The following RNF115 variants were observed in gnomAD, a reference collection of about 807,000 sequenced individuals.
RNF115 encodes E3 ubiquitin-protein ligase RNF115.
A neutral mutation model predicts 39.2 loss-of-function variants in RNF115; 31 were observed. That is an observed-to-expected ratio of 0.79 (90% CI 0.59 to 1.07). RNF115 has a LOEUF of 1.07. Among genes scored for constraint, RNF115 ranks in the 50% least tolerant of loss-of-function variants. The pLI, the probability that RNF115 is intolerant of heterozygous loss-of-function variation, is 0.00. For missense variants in RNF115, 384 were observed against 381.7 expected (o/e 1.01, Z -0.05); for synonymous variants, 124 against 131.0 (o/e 0.95, Z 0.37).
At chr1:145,795,785 A>G (rs904941038) in intron 1 of RNF115, among the ~76,000 whole-genome samples, 3 of 152,172 alleles carry the variant, frequency 2.0e-5, no homozygotes, top group Non-Finnish European at 4.4e-5. Flanking sequence ...AAAGCTTTCT[A>G]AATAGTTATA....
chr1:145,779,733 G>A (rs1648038332), intron 3 of RNF115, among the ~76,000 whole-genome samples: 1 of 151,960 alleles, frequency 6.6e-6, no homozygotes, highest in African/African-American at 2.4e-5. Flanking sequence ...CACAATCTCA[G>A]CCCACTGCAA....
chr1:145,820,041 A>C (rs1387061989), intron 1 of RNF115, among the ~76,000 whole-genome samples: 2 of 142,616 alleles, frequency 1.4e-5, no homozygotes, highest in Admixed American at 7.2e-5. Flanking sequence ...CCATCTCAAA[A>C]AAATAAATAA....
intron 1 of RNF115, among the ~76,000 whole-genome samples, chr1:145,816,821 T>TA (rs1237830484): frequency 3.0e-5 from 4 of 133,406 alleles, no homozygotes; most frequent in African/African-American, 7.6e-5. Flanking sequence ...CAGGCTGGAG[T>TA]ACAGTGGCAC....
chr1:145,748,217 G>A, intron 7 of RNF115, 107 bp from the exon 8 acceptor site: 2 of 736,936 alleles, frequency 2.7e-6, no homozygotes, highest in South Asian at 3.2e-5. Flanking sequence ...AAAGACACAA[G>A]AGACAAAAGA....
intron 1 of RNF115, among the ~76,000 whole-genome samples, chr1:145,819,428 G>A (rs1431329766): frequency 1.3e-5 from 2 of 152,100 alleles, no homozygotes; most frequent in African/African-American, 2.4e-5. Context: ...CTCCAGTATG[G>A]GCGACACAGT....
At chr1:145,778,464 G>A (rs1647977448) in intron 3 of RNF115, among the ~76,000 whole-genome samples, 1 of 151,886 alleles carries the variant, frequency 6.6e-6, no homozygotes, top group Non-Finnish European at 1.5e-5. Flanking sequence ...ACTTTAACAG[G>A]GTGAATTACG....
chr1:145,796,661 A>T (rs1424491203), intron 1 of RNF115, among the ~76,000 whole-genome samples: 1 of 152,178 alleles, frequency 6.6e-6, no homozygotes, highest in Non-Finnish European at 1.5e-5. Context: ...TACTAGGATT[A>T]CAGGCATGAG....
At chr1:145,767,341 C>G (rs587630259) in intron 4 of RNF115, among the ~76,000 whole-genome samples, 4 of 150,316 alleles carry the variant, frequency 2.7e-5, no homozygotes, top group African/African-American at 9.8e-5. Flanking sequence ...TCAGACGGGG[C>G]GGCCGGGCAG....
intron 1 of RNF115, among the ~76,000 whole-genome samples, chr1:145,815,226 T>C (rs1292262867): frequency 6.6e-6 from 1 of 152,306 alleles, no homozygotes; most frequent in Non-Finnish European, 1.5e-5. Flanking sequence ...ACATTACTTA[T>C]TGATAAGGAA....
At position 145,823,942 on chromosome 1, in the gene RNF115, G is replaced by C; in HGVS notation, c.-69C>G. On this transcript the variant is annotated 5_prime_UTR_variant, in exon 1 of 9. Transcript: ENST00000582693. ...CCCTCGCCAGGCCGCTACCTCCCGA[G>C]CTGCAGTCGTCGCCGCCGCCGCCGC... is the stretch of plus-strand genomic sequence containing the variant. 1.7e-6 allele frequency: 2 copies of C among 1,165,162 alleles called. No homozygotes were observed. Among genetic ancestry groups the C allele is most frequent in the Non-Finnish European group, 2.3e-6 (2 of 879,612 alleles). 72.2% of individuals were successfully genotyped at this position (1,165,162 alleles called of 1,614,324 possible). A position where few individuals can be genotyped will look rare whatever the true frequency, so the allele number is the denominator to read the frequency against.
In RNF115 at chr1:145,743,801, AAT is replaced by A. The variant is rs1657767976; in HGVS notation, c.*3063_*3064del. 1 of 35,276 alleles carries A rather than the reference AAT, an allele frequency of 2.8e-5. No individual in the cohort carries two copies. The highest frequency in any genetic ancestry group is 6.2e-5 in the Non-Finnish European group (1 of 16,124). The allele number at this position is 35,276 out of a possible 1,614,324, so 2.2% of individuals were successfully genotyped here. A position where few individuals can be genotyped will look rare whatever the true frequency, so the allele number is the denominator to read the frequency against. ...ATCTCAAAAAATAAATAAATAAATA[AAT>A]AAATAAATAAATAATAATAATAATA... On this transcript the variant is annotated 3_prime_UTR_variant, in exon 9 of 9. Transcript: ENST00000582693.
intron 1 of RNF115, among the ~76,000 whole-genome samples, chr1:145,805,642 G>A (rs897491580): frequency 1.3e-5 from 2 of 152,000 alleles, no homozygotes; most frequent in African/African-American, 2.4e-5. Flanking sequence ...ATTATTTCAG[G>A]GGTAAAATTT....
At chr1:145,762,102 T>A (rs781871240) in intron 4 of RNF115, among the ~76,000 whole-genome samples, 1 of 152,252 alleles carries the variant, frequency 6.6e-6, no homozygotes, top group African/African-American at 2.4e-5. Context: ...TGTACCTCCA[T>A]TGTATCTAGG....
At chr1:145,777,689 CTATCAT>C (rs1392823212) in intron 3 of RNF115, among the ~76,000 whole-genome samples, 2 of 152,112 alleles carry the variant, frequency 1.3e-5, no homozygotes, top group Non-Finnish European at 2.9e-5. Context: ...ATAGGGAACA[CTATCAT>C]AGAGTTTTGC....
intron 4 of RNF115, among the ~76,000 whole-genome samples, chr1:145,768,730 C>T (rs1249957507): frequency 6.6e-6 from 1 of 152,102 alleles, no homozygotes; most frequent in African/African-American, 2.4e-5. Context: ...AGCAAGAGGA[C>T]AAAACTGTTA....
intron 3 of RNF115, among the ~76,000 whole-genome samples, chr1:145,776,318 C>T (rs1407995640): frequency 6.6e-6 from 1 of 151,638 alleles, no homozygotes; most frequent in Non-Finnish European, 1.5e-5. Flanking sequence ...GTGTCTGCCA[C>T]CATGCCCGAC....
rs924821457 is a variant in RNF115, at chr1:145,742,352, C to T, written c.*4514G>A. On this transcript the variant is annotated 3_prime_UTR_variant, in exon 9 of 9. Transcript: ENST00000582693. ...AAATTAAAAAAAATCAATAGATAAC[C>T]GTATTGTAGTTCAACTGATTATAAT... 2 of 152,070 alleles carry T rather than the reference C, an allele frequency of 1.3e-5. No individual in the cohort carries two copies. Among genetic ancestry groups the T allele is most frequent in the African/African-American group, 4.8e-5 (2 of 41,382 alleles). The allele number at this position is 152,070 out of a possible 1,614,324, so 9.4% of individuals were successfully genotyped here. A position where few individuals can be genotyped will look rare whatever the true frequency, so the allele number is the denominator to read the frequency against.
At chr1:145,796,789 T>C (rs180799253) in intron 1 of RNF115, among the ~76,000 whole-genome samples, 2 of 152,336 alleles carry the variant, frequency 1.3e-5, no homozygotes, top group Admixed American at 6.5e-5. Flanking sequence ...TGAAACTCTA[T>C]ACCCATTAAA....
chr1:145,820,312 A>G (rs1487253531), intron 1 of RNF115, among the ~76,000 whole-genome samples: 2 of 152,068 alleles, frequency 1.3e-5, no homozygotes, highest in African/African-American at 4.8e-5. Context: ...AAAAAAGAAA[A>G]AAAAATTAGC....
Sources: allele counts gnomAD v4.1 joint callset (sites outside exome capture counted in the v4.1 genomes callset), GRCh38; gene constraint gnomAD v4.1.1; transcripts MANE v1.5; gene names NCBI Gene and HGNC (gene_info 2026-07-23, HGNC 2026-07-21).